Variants in ARHGEF38 observed in about 807,000 individuals in gnomAD.
ARHGEF38 encodes Rho guanine nucleotide exchange factor 38, also known as Rho guanine nucleotide exchange factor (GEF) 38.
ARHGEF38 carries 79 observed loss-of-function variants against 79.9 expected under a neutral mutation model. That is an observed-to-expected ratio of 0.99 (90% CI 0.82 to 1.19). The LOEUF is 1.19. Ranked by LOEUF, ARHGEF38 falls within the 50% of genes most tolerant of loss-of-function variation. The pLI is 0.00. For missense variants in ARHGEF38, 962 were observed against 907.2 expected, an observed-to-expected ratio of 1.06 and a Z score of -0.78; for synonymous variants, 366 against 328.3, an observed-to-expected ratio of 1.11 and a Z score of -1.24.
intron 9 of ARHGEF38, among the ~76,000 whole-genome samples, chr4:105,657,592 G>GAT (rs148598283): frequency 0.033 from 4,857 of 148,662 alleles, 238 homozygotes; most frequent in African/African-American, 0.11. Context: ...TGAGTCACTG[G>GAT]ATATATATAT....
intron 5 of ARHGEF38, among the ~76,000 whole-genome samples, chr4:105,636,875 G>GA (rs371696766): frequency 1.3e-5 from 2 of 151,844 alleles, no homozygotes; most frequent in Non-Finnish European, 2.9e-5. Flanking sequence ...GATTTATGGA[G>GA]AAAAAAATCA....
At chr4:105,677,044 ACCACCG>A in intron 13 of ARHGEF38, among the ~76,000 whole-genome samples, 2 of 152,054 alleles carry the variant, frequency 1.3e-5, no homozygotes, top group African/African-American at 4.8e-5. Context: ...GCTCACTGCA[ACCACCG>A]CCTCCCGGGT....
intron 2 of ARHGEF38, among the ~76,000 whole-genome samples, chr4:105,603,942 G>A (rs1030215273): frequency 6.6e-6 from 1 of 152,180 alleles, no homozygotes; most frequent in Non-Finnish European, 1.5e-5. Flanking sequence ...AGAAATTGAT[G>A]CCTCAACTGA....
chr4:105,594,804 C>T (rs1216896574), intron 2 of ARHGEF38, among the ~76,000 whole-genome samples: 2 of 152,184 alleles, frequency 1.3e-5, no homozygotes, highest in Admixed American at 6.5e-5. Context: ...ATACATCAAA[C>T]TCAGCAGTTA....
chr4:105,675,479 G>C lies in ARHGEF38; in HGVS notation c.2149-2273G>C, dbSNP rs561627629. Reference sequence around the variant, plus strand: ...ATTTGACCATGTTCATCAATCTCTTGTATGTATCTTTTATGATACAAGATG... The same window carrying C: ...ATTTGACCATGTTCATCAATCTCTTCTATGTATCTTTTATGATACAAGATG... On this transcript the variant is annotated intron_variant, in intron 13 of 13. Coordinates refer to ENST00000420470, the MANE Select transcript of ARHGEF38 (RefSeq NM_001242729.2). Among the ~76,000 whole-genome samples, 29 of 151,964 alleles carry C rather than the reference G, an allele frequency of 1.9e-4. 1 individual carries two copies. Among genetic ancestry groups the C allele is most frequent in the Non-Finnish European group, 5.9e-5 (4 of 67,990 alleles).
chr4:105,561,441 AATAGAATGGAAT>A, intron 1 of ARHGEF38: 1 of 66,650 alleles, frequency 1.5e-5, no homozygotes, highest in Non-Finnish European at 2.8e-5. Flanking sequence ...AATAGAATAG[AATAGAATGGAAT>A]AGAATAGAAT....
intron 4 of ARHGEF38, chr4:105,631,480 T>C (rs768415407): frequency 3.4e-5 from 34 of 985,682 alleles, no homozygotes; most frequent in Non-Finnish European, 4.1e-5. Context: ...AAACTCACTG[T>C]GGGGAGATGG....
chr4:105,605,549 A>T (rs1395244400), intron 2 of ARHGEF38, among the ~76,000 whole-genome samples: 1 of 152,206 alleles, frequency 6.6e-6, no homozygotes, highest in Non-Finnish European at 1.5e-5. Flanking sequence ...TTTATCTGCA[A>T]GATTAGTTAA....
chr4:105,667,358 T>A, intron 12 of ARHGEF38, 31 bp downstream of exon 12: 1 of 1,533,666 alleles, frequency 6.5e-7, no homozygotes, highest in African/African-American at 1.4e-5. Flanking sequence ...ACCACTCTTC[T>A]TTAAACTGAG....
chr4:105,561,007 TAC>T (rs1725492827), intron 1 of ARHGEF38, among the ~76,000 whole-genome samples: 2 of 152,154 alleles, frequency 1.3e-5, no homozygotes, highest in African/African-American at 2.4e-5. Context: ...ACAAGCAATT[TAC>T]TATATTTAGC....
intron 1 of ARHGEF38, among the ~76,000 whole-genome samples, chr4:105,556,907 TATA>T (rs1282978443): frequency 1.3e-5 from 2 of 152,322 alleles, no homozygotes; most frequent in South Asian, 2.1e-4. Context: ...ACAGAATTTA[TATA>T]ATAAGTAATT....
intron 2 of ARHGEF38, among the ~76,000 whole-genome samples, chr4:105,604,661 G>A (rs2110480170): frequency 6.6e-6 from 1 of 152,156 alleles, no homozygotes; most frequent in South Asian, 2.1e-4. Flanking sequence ...TGGGCCTAAA[G>A]GATATGGATG....
intron 2 of ARHGEF38, among the ~76,000 whole-genome samples, chr4:105,589,980 A>C (rs1467799065): frequency 6.6e-6 from 1 of 150,544 alleles, no homozygotes; most frequent in Non-Finnish European, 1.5e-5. Flanking sequence ...CAGAGGTTGC[A>C]ATGAGCCAAA....
At chr4:105,628,886 T>G (rs1034641774) in intron 3 of ARHGEF38, among the ~76,000 whole-genome samples, 7 of 152,348 alleles carry the variant, frequency 4.6e-5, no homozygotes, top group Admixed American at 1.3e-4. Context: ...GTTTTAATTC[T>G]AGAGGTAGCA....
chr4:105,596,175 G>C (rs973040848), intron 2 of ARHGEF38, among the ~76,000 whole-genome samples: 1 of 152,156 alleles, frequency 6.6e-6, no homozygotes, highest in Non-Finnish European at 1.5e-5. Flanking sequence ...GGAGTATATT[G>C]AGCAATGGTT....
At chr4:105,611,485 G>T (rs1560720462) in intron 2 of ARHGEF38, among the ~76,000 whole-genome samples, 1 of 151,854 alleles carries the variant, frequency 6.6e-6, no homozygotes, top group Non-Finnish European at 1.5e-5. Flanking sequence ...GGTACTCAGA[G>T]ATATATTACA....
chr4:105,580,211 A>G (rs973946975), intron 1 of ARHGEF38, among the ~76,000 whole-genome samples: 1 of 151,848 alleles, frequency 6.6e-6, no homozygotes, highest in Non-Finnish European at 1.5e-5. Context: ...TCATGTCTCG[A>G]TCTTCTATTC....
chr4:105,661,528 A>G (rs1053364661), intron 10 of ARHGEF38, among the ~76,000 whole-genome samples: 2 of 149,152 alleles, frequency 1.3e-5, no homozygotes, highest in Non-Finnish European at 3.0e-5. Context: ...TGTTATAGCT[A>G]TCCTAATGGG....
At chr4:105,659,849 T>TGTG (rs1730491555) in intron 10 of ARHGEF38, among the ~76,000 whole-genome samples, 1 of 133,126 alleles carries the variant, frequency 7.5e-6, no homozygotes, top group African/African-American at 3.0e-5. Flanking sequence ...AAGCCTGGTT[T>TGTG]TGTGTGTGTG....
Sources: gnomAD v4.1 joint callset for allele counts (sites outside exome capture counted in the v4.1 genomes callset) on GRCh38, gnomAD v4.1.1 for gene constraint, MANE v1.5 for transcripts, NCBI Gene and HGNC (gene_info 2026-07-23, HGNC 2026-07-21) for gene names.